ANXA8: variants seen among roughly 807,000 people sequenced by gnomAD.
ANXA8 encodes the protein VAC-beta.
A neutral mutation model predicts 26.8 loss-of-function variants in ANXA8; 9 were observed. The observed-to-expected ratio is 0.34, with a 90% CI of 0.20 to 0.59. The LOEUF is 0.59. Among genes scored for constraint, ANXA8 ranks in the 20% least tolerant of loss-of-function variants. The pLI is 0.84. For missense variants in ANXA8, 83 were observed against 238.5 expected (o/e 0.35, Z 4.29); for synonymous variants, 39 against 94.8 (o/e 0.41, Z 3.42).
the ANXA8 span, among the ~76,000 whole-genome samples, chr10:47,498,177 AC>A: frequency 2.0e-5 from 3 of 150,036 alleles, no homozygotes; most frequent in African/African-American, 7.3e-5. Context: ...GTCCCTGGCA[AC>A]CCCCGTTCTA....
the ANXA8 span, among the ~76,000 whole-genome samples, chr10:47,721,410 G>A: frequency 7.2e-6 from 1 of 138,430 alleles, no homozygotes. Flanking sequence ...CTAGTATGAG[G>A]TATTTAAGAT....
At chr10:47,600,070 G>A in the ANXA8 span, among the ~76,000 whole-genome samples, 3 of 149,462 alleles carry the variant, frequency 2.0e-5, no homozygotes, top group Admixed American at 2.0e-4. Flanking sequence ...TTAAGGTCAC[G>A]TGATGTGGTG....
At chr10:47,699,344 CAA>C in the ANXA8 span, among the ~76,000 whole-genome samples, 31 of 54,208 alleles carry the variant, frequency 5.7e-4, no homozygotes, top group African/African-American at 1.3e-3. Context: ...ATTCTGTCTC[CAA>C]AAAAAAAAAA....
the ANXA8 span, among the ~76,000 whole-genome samples, chr10:47,705,709 C>T: frequency 6.6e-6 from 1 of 151,868 alleles, no homozygotes; most frequent in Non-Finnish European, 1.5e-5. Context: ...TTATTTTTTA[C>T]AAGTTAGTAG....
the ANXA8 span, among the ~76,000 whole-genome samples, chr10:47,559,821 C>G: frequency 0.011 from 1,687 of 151,988 alleles, 30 homozygotes; most frequent in Non-Finnish European, 0.016. Flanking sequence ...GGCTCCAGGG[C>G]TTCTTCCACT....
At chr10:47,936,972 G>T in the ANXA8 span, among the ~76,000 whole-genome samples, 2 of 149,960 alleles carry the variant, frequency 1.3e-5, no homozygotes, top group Non-Finnish European at 3.0e-5. Context: ...TTTTGCTTCA[G>T]CTTGCTAAAG....
chr10:47,987,780 G>GTCA, the ANXA8 span, among the ~76,000 whole-genome samples: 1 of 136,956 alleles, frequency 7.3e-6, no homozygotes, highest in Non-Finnish European at 1.6e-5. Flanking sequence ...GATGTCCTTG[G>GTCA]TCAAGGACAG....
At chr10:47,951,541 T>C in the ANXA8 span, among the ~76,000 whole-genome samples, 1 of 150,592 alleles carries the variant, frequency 6.6e-6, no homozygotes, top group South Asian at 2.1e-4. Context: ...CTGGGCACCA[T>C]GCTCACGCCT....
the ANXA8 span, among the ~76,000 whole-genome samples, chr10:47,679,661 G>A: frequency 6.6e-6 from 1 of 151,996 alleles, no homozygotes; most frequent in South Asian, 2.1e-4. Flanking sequence ...ACTCACACTT[G>A]TAATCCCAGC....
At chr10:47,970,050 A>C in the ANXA8 span, 1 of 151,518 alleles carries the variant, frequency 6.6e-6, no homozygotes, top group Admixed American at 6.6e-5. Flanking sequence ...ACAAAGGAAC[A>C]AACTTCTTTA....
chr10:47,581,088 C>T, the ANXA8 span: 1 of 198,502 alleles, frequency 5.0e-6, no homozygotes, highest in East Asian at 1.5e-4. Flanking sequence ...AACAAACAAA[C>T]AAAAAAATTA....
the ANXA8 span, among the ~76,000 whole-genome samples, chr10:47,573,249 T>C: frequency 6.7e-6 from 1 of 149,592 alleles, no homozygotes; most frequent in Non-Finnish European, 1.5e-5. Flanking sequence ...CCCAAAGTGC[T>C]GAGATTACAG....
chr10:47,579,063 G>A, the ANXA8 span, among the ~76,000 whole-genome samples: 2 of 145,824 alleles, frequency 1.4e-5, no homozygotes, highest in South Asian at 2.3e-4. Context: ...GGCTAGTCTC[G>A]AGCTCCTGGC....
chr10:47,976,742 C>T, the ANXA8 span, among the ~76,000 whole-genome samples: 1 of 148,644 alleles, frequency 6.7e-6, no homozygotes, highest in Non-Finnish European at 1.5e-5. Context: ...ATTGTCTTTG[C>T]TTAACATGGT....
the ANXA8 span, among the ~76,000 whole-genome samples, chr10:47,693,406 C>G: frequency 6.6e-6 from 1 of 151,452 alleles, no homozygotes; most frequent in African/African-American, 2.4e-5. Flanking sequence ...TTTCCTGCCT[C>G]AGCCTCCCGA....
the ANXA8 span, among the ~76,000 whole-genome samples, chr10:47,929,949 T>C: frequency 6.6e-6 from 1 of 152,158 alleles, no homozygotes; most frequent in South Asian, 2.1e-4. Flanking sequence ...CTTTCCATCA[T>C]ACTCAGGGCA....
chr10:47,528,139 G>A, the ANXA8 span, among the ~76,000 whole-genome samples: 1 of 138,192 alleles, frequency 7.2e-6, no homozygotes, highest in Non-Finnish European at 1.6e-5. Flanking sequence ...GAGTGCAGTG[G>A]CACGATCTCG....
chr10:47,653,938 G>A, the ANXA8 span, among the ~76,000 whole-genome samples: 55 of 149,898 alleles, frequency 3.7e-4, no homozygotes, highest in African/African-American at 1.1e-3. Flanking sequence ...GAGCTACTGC[G>A]CCCAGCATAA....
At chr10:47,665,715 A>G in the ANXA8 span, among the ~76,000 whole-genome samples, 3 of 150,796 alleles carry the variant, frequency 2.0e-5, no homozygotes, top group Non-Finnish European at 4.4e-5. Flanking sequence ...ACACAGTTAC[A>G]TTTATTCCTT....
Sources: gnomAD v4.1 joint callset for allele counts (sites outside exome capture counted in the v4.1 genomes callset) on GRCh38, gnomAD v4.1.1 for gene constraint, MANE v1.5 for transcripts, NCBI Gene and HGNC (gene_info 2026-07-23, HGNC 2026-07-21) for gene names.